The following ZBTB7C variants were observed in gnomAD, a reference collection of about 807,000 sequenced individuals.
ZBTB7C encodes the protein zinc finger and BTB domain-containing protein 7C.
A neutral mutation model predicts 25.7 loss-of-function variants in ZBTB7C; 8 were observed. The observed-to-expected ratio is 0.31, with a 90% confidence interval of 0.18 to 0.56. ZBTB7C has a LOEUF of 0.56. ZBTB7C is among the 20% of genes least tolerant of loss of function. ZBTB7C has a pLI of 0.91. For synonymous variants in ZBTB7C, 394 were observed against 369.0 expected (o/e 1.07, Z -0.78); for missense variants, 824 against 855.2 (o/e 0.96, Z 0.46).
intron 2 of ZBTB7C, among the ~76,000 whole-genome samples, chr18:48,324,659 A>C (rs2046176951): frequency 1.3e-5 from 2 of 152,208 alleles, no homozygotes; most frequent in Non-Finnish European, 2.9e-5. Flanking sequence ...GTAGGCCCTG[A>C]GAAGAATATC....
chr18:48,275,171 G>A (rs570055859), intron 2 of ZBTB7C, among the ~76,000 whole-genome samples: 6 of 152,296 alleles, frequency 3.9e-5, no homozygotes, highest in South Asian at 2.1e-4. Flanking sequence ...TACCAAACTC[G>A]GCTTAGCTGA....
intron 3 of ZBTB7C, among the ~76,000 whole-genome samples, chr18:48,173,735 C>T (rs2041574207): frequency 6.6e-6 from 1 of 152,258 alleles, no homozygotes; most frequent in Non-Finnish European, 1.5e-5. Context: ...CATCCTTGTC[C>T]TGGCCCTGCC....
At chr18:48,194,351 G>A (rs2042268535) in intron 2 of ZBTB7C, among the ~76,000 whole-genome samples, 1 of 152,212 alleles carries the variant, frequency 6.6e-6, no homozygotes, top group Non-Finnish European at 1.5e-5. Flanking sequence ...AGCATCCATG[G>A]TGAAATATGT....
Position 48,270,675 on chromosome 18 carries a change from G to C in ZBTB7C, c.-79+67499C>G, listed in dbSNP as rs1468169225. 2.1e-5 allele frequency among the ~76,000 whole-genome samples: 3 copies of C among 145,548 alleles called. No individual in the cohort carries two copies. In the Admixed American group the frequency reaches 2.1e-4, roughly 10 times the overall value. On this transcript the variant is annotated intron_variant, in intron 2 of 4. Coordinates refer to ENST00000590800, the MANE Select transcript of ZBTB7C (RefSeq NM_001318841.2). ...ACTGCACTCCAGCCTGGGCCACAGA[G>C]TGAGACTCTGTCTCAAAAAAAAAAA... is the stretch of plus-strand genomic sequence containing the variant.
At position 48,380,726 on chromosome 18, in the gene ZBTB7C, T is replaced by G. The variant is rs576971018; in HGVS notation, c.-304+28500A>C. ...TGGGATCCTGAAACAAGAAAAACAT[T>G]AAGGGAAAACTAAGAAAATCTGAAT... On this transcript the variant is annotated intron_variant, in intron 1 of 4. Coordinates refer to ENST00000590800, the MANE Select transcript of ZBTB7C (RefSeq NM_001318841.2). Among the ~76,000 whole-genome samples the G allele has an allele frequency of 1.1e-3, 163 of 152,162 alleles. 1 individual carries two copies. Among genetic ancestry groups the G allele is most frequent in the African/African-American group, 3.9e-3 (160 of 41,526 alleles).
intron 3 of ZBTB7C, chr18:48,041,404 G>C: frequency 1.0e-6 from 1 of 985,454 alleles, no homozygotes; most frequent in Non-Finnish European, 1.2e-6. Flanking sequence ...CTCAGGCTTG[G>C]TGTTACTGAT....
chr18:48,305,406 C>T (rs1213644724), intron 2 of ZBTB7C, among the ~76,000 whole-genome samples: 1 of 152,160 alleles, frequency 6.6e-6, no homozygotes, highest in Non-Finnish European at 1.5e-5. Flanking sequence ...TTGGGCTTTG[C>T]TGCGGGCAAG....
chr18:48,313,457 A>AC (rs2045870339), intron 2 of ZBTB7C, among the ~76,000 whole-genome samples: 1 of 151,086 alleles, frequency 6.6e-6, no homozygotes, highest in African/African-American at 2.4e-5. Flanking sequence ...GCGTTTTTAA[A>AC]CCCCCTCCCC....
intron 2 of ZBTB7C, among the ~76,000 whole-genome samples, chr18:48,325,893 G>A (rs1293551234): frequency 6.6e-6 from 1 of 152,038 alleles, no homozygotes; most frequent in Non-Finnish European, 1.5e-5. Flanking sequence ...CCTACCACTG[G>A]ATTCAGGACC....
intron 3 of ZBTB7C, among the ~76,000 whole-genome samples, chr18:48,135,813 CCTTT>C (rs765101228): frequency 9.9e-5 from 15 of 152,226 alleles, no homozygotes; most frequent in Non-Finnish European, 1.8e-4. Flanking sequence ...TCAATCACTT[CCTTT>C]CTATTTTCAA....
At chr18:48,230,999 C>T (rs1247866014) in intron 2 of ZBTB7C, among the ~76,000 whole-genome samples, 1 of 152,188 alleles carries the variant, frequency 6.6e-6, no homozygotes, top group Non-Finnish European at 1.5e-5. Flanking sequence ...GCTGCCTCGG[C>T]CCCCTCTGGA....
At chr18:48,248,420 T>C (rs1479002289) in intron 2 of ZBTB7C, among the ~76,000 whole-genome samples, 1 of 152,158 alleles carries the variant, frequency 6.6e-6, no homozygotes, top group East Asian at 1.9e-4. Flanking sequence ...CCCTCTGTCA[T>C]CTCATCCAGG....
At chr18:48,065,352 C>T (rs187406598) in intron 3 of ZBTB7C, among the ~76,000 whole-genome samples, 3 of 152,128 alleles carry the variant, frequency 2.0e-5, no homozygotes, top group African/African-American at 7.2e-5. Flanking sequence ...CACACACACA[C>T]ACAAACACAC....
intron 3 of ZBTB7C, among the ~76,000 whole-genome samples, chr18:48,119,460 A>G (rs993255694): frequency 1.3e-5 from 2 of 152,242 alleles, no homozygotes; most frequent in Non-Finnish European, 2.9e-5. Flanking sequence ...TTCCCCTGAA[A>G]CCACCAGGCA....
chr18:48,335,074 T>C (rs1197821527), intron 2 of ZBTB7C, among the ~76,000 whole-genome samples: 2 of 152,160 alleles, frequency 1.3e-5, no homozygotes, highest in African/African-American at 4.8e-5. Context: ...CAGGTCTGGA[T>C]AAAGGGGCAC....
At chr18:48,232,488 A>AC (rs138266183) in intron 2 of ZBTB7C, among the ~76,000 whole-genome samples, 6,801 of 152,142 alleles carry the variant, frequency 0.045, 204 homozygotes, top group Non-Finnish European at 0.071. Flanking sequence ...GACCCTCTAG[A>AC]CCAGCCCATC....
At chr18:48,235,990 G>T (rs2043368995) in intron 2 of ZBTB7C, among the ~76,000 whole-genome samples, 1 of 152,036 alleles carries the variant, frequency 6.6e-6, no homozygotes, top group Non-Finnish European at 1.5e-5. Flanking sequence ...AAAATCCTCA[G>T]CCATTTTCTC....
At chr18:48,084,533 A>T (rs137884603) in intron 3 of ZBTB7C, among the ~76,000 whole-genome samples, 77 of 152,294 alleles carry the variant, frequency 5.1e-4, no homozygotes, top group Non-Finnish European at 1.0e-3. Flanking sequence ...TGGGGCATCC[A>T]GCATGAACCT....
intron 2 of ZBTB7C, among the ~76,000 whole-genome samples, chr18:48,213,918 C>T (rs1237926220): frequency 3.3e-5 from 5 of 152,162 alleles, no homozygotes; most frequent in East Asian, 1.9e-4. Context: ...AAATGGCCTC[C>T]GGTTGCACAG....
Sources: allele counts gnomAD v4.1 joint callset (sites outside exome capture counted in the v4.1 genomes callset), GRCh38; gene constraint gnomAD v4.1.1; transcripts MANE v1.5; gene names NCBI Gene and HGNC (gene_info 2026-07-23, HGNC 2026-07-21).